The following LRBA variants were observed in gnomAD, a reference collection of about 807,000 sequenced individuals.
The protein encoded by LRBA is LPS responsive beige-like anchor protein.
Under a neutral mutation model 330.0 loss-of-function variants are expected in LRBA, and 176 were observed. The ratio of observed to expected loss-of-function variants is 0.53; its 90% CI spans 0.47 to 0.60. LRBA has a LOEUF of 0.60. Ranked by LOEUF, LRBA falls within the 20% of genes least tolerant of loss-of-function variation. The pLI is 0.00. For synonymous variants in LRBA, 1,230 were observed against 1,193.0 expected, an observed-to-expected ratio of 1.03 and a Z score of -0.64; for missense variants, 3,259 against 3,444.8, an observed-to-expected ratio of 0.95 and a Z score of 1.35.
At chr4:150,770,732 C>T (rs926452229) in intron 34 of LRBA, among the ~76,000 whole-genome samples, 7 of 152,078 alleles carry the variant, frequency 4.6e-5, no homozygotes, top group Admixed American at 3.9e-4. Context: ...TCTGTATTCC[C>T]TTTGTCTTCA....
chr4:150,637,512 C>A (rs766450913), intron 37 of LRBA, among the ~76,000 whole-genome samples: 1 of 152,108 alleles, frequency 6.6e-6, no homozygotes, highest in Non-Finnish European at 1.5e-5. Flanking sequence ...TGAAATATGG[C>A]AACATCAAGG....
intron 2 of LRBA, among the ~76,000 whole-genome samples, chr4:150,930,089 C>T (rs540152877): frequency 4.6e-5 from 7 of 151,922 alleles, no homozygotes; most frequent in South Asian, 2.1e-4. Context: ...CCGAGGCAGG[C>T]GGACCACCTG....
intron 40 of LRBA, among the ~76,000 whole-genome samples, chr4:150,499,563 C>T (rs1236778528): frequency 6.6e-6 from 1 of 151,874 alleles, no homozygotes; most frequent in Non-Finnish European, 1.5e-5. Flanking sequence ...CTGCTCGAGC[C>T]CAGAAATTGT....
At chr4:150,353,452 G>A (rs1737426937) in intron 47 of LRBA, among the ~76,000 whole-genome samples, 2 of 152,108 alleles carry the variant, frequency 1.3e-5, no homozygotes, top group African/African-American at 2.4e-5. Flanking sequence ...AAATGACAAA[G>A]TACAAATGAA....
chr4:150,872,356 G>C (rs548092011), intron 18 of LRBA, among the ~76,000 whole-genome samples: 4 of 152,244 alleles, frequency 2.6e-5, no homozygotes, highest in African/African-American at 9.6e-5. Flanking sequence ...TTATAATACA[G>C]ATAAAGCAAA....
chr4:150,790,006 G>A (rs1178206408), intron 34 of LRBA, among the ~76,000 whole-genome samples: 1 of 152,092 alleles, frequency 6.6e-6, no homozygotes, highest in Non-Finnish European at 1.5e-5. Flanking sequence ...TAAAACAGTA[G>A]GGTGCCAAAT....
intron 47 of LRBA, among the ~76,000 whole-genome samples, chr4:150,373,172 T>TGAGAGAGAGAGAGAGA (rs902421554): frequency 3.1e-5 from 3 of 97,456 alleles, no homozygotes; most frequent in African/African-American, 1.3e-4. Flanking sequence ...TGTGTGTGTG[T>TGAGAGAGAGAGAGAGA]GAGAGAGAGA....
At chr4:150,406,944 C>T (rs781183603) in intron 47 of LRBA, among the ~76,000 whole-genome samples, 2 of 152,086 alleles carry the variant, frequency 1.3e-5, no homozygotes, top group Non-Finnish European at 2.9e-5. Context: ...CCATGCCTGG[C>T]TAATTTTTTG....
At chr4:150,506,965 C>A (rs1475325368) in intron 40 of LRBA, among the ~76,000 whole-genome samples, 2 of 151,754 alleles carry the variant, frequency 1.3e-5, no homozygotes, top group South Asian at 4.2e-4. Context: ...CATGAGTGAA[C>A]TCCCATTCAC....
chr4:150,765,330 A>G (rs1250623003), intron 34 of LRBA, among the ~76,000 whole-genome samples: 1 of 152,082 alleles, frequency 6.6e-6, no homozygotes, highest in East Asian at 1.9e-4. Flanking sequence ...TATAATGATG[A>G]AGACACACCA....
At chr4:150,861,546 T>A (rs1751941852) in intron 22 of LRBA, among the ~76,000 whole-genome samples, 1 of 152,176 alleles carries the variant, frequency 6.6e-6, no homozygotes, top group Non-Finnish European at 1.5e-5. Context: ...GCATTTACCA[T>A]GAATGGAGCT....
intron 40 of LRBA, among the ~76,000 whole-genome samples, chr4:150,568,090 G>A (rs2152279727): frequency 6.6e-6 from 1 of 152,252 alleles, no homozygotes; most frequent in South Asian, 2.1e-4. Context: ...AGGACTGCTT[G>A]AGTCCAGGAT....
intron 47 of LRBA, among the ~76,000 whole-genome samples, chr4:150,397,008 T>C (rs895578702): frequency 2.6e-5 from 4 of 152,140 alleles, no homozygotes; most frequent in Admixed American, 2.6e-4. Context: ...TTAAAAACAT[T>C]TGAAAAGCAA....
intron 34 of LRBA, among the ~76,000 whole-genome samples, chr4:150,787,837 A>G (rs1739302302): frequency 1.3e-5 from 2 of 152,000 alleles, no homozygotes; most frequent in Admixed American, 1.3e-4. Context: ...ATCCTTCTCT[A>G]CTATCTCTGA....
chr4:150,839,911 C>A (rs553760921), intron 28 of LRBA, among the ~76,000 whole-genome samples: 1 of 152,054 alleles, frequency 6.6e-6, no homozygotes, highest in South Asian at 2.1e-4. Context: ...GTTTTGTCCA[C>A]ATTGAAAATC....
chr4:150,331,916 G>A (rs1446241237), intron 48 of LRBA, among the ~76,000 whole-genome samples: 1 of 152,074 alleles, frequency 6.6e-6, no homozygotes, highest in African/African-American at 2.4e-5. Context: ...TTCTGGGCAA[G>A]GTACTTAACC....
chr4:151,002,833 G>A (rs116234408), intron 2 of LRBA, among the ~76,000 whole-genome samples: 3,692 of 151,080 alleles, frequency 0.024, 143 homozygotes, highest in African/African-American at 0.084. Flanking sequence ...GCAACATGGT[G>A]GCTGGGCAAC....
intron 41 of LRBA, 113 bp from the exon 42 acceptor site, chr4:150,487,947 T>C: frequency 2.1e-6 from 1 of 487,478 alleles, no homozygotes; most frequent in Non-Finnish European, 3.8e-6. Flanking sequence ...TTAAATACAA[T>C]TCTTACTATA....
intron 2 of LRBA, among the ~76,000 whole-genome samples, chr4:150,972,433 G>A (rs962298251): frequency 7.9e-5 from 12 of 152,062 alleles, no homozygotes; most frequent in Non-Finnish European, 1.6e-4. Context: ...AGATAGATTT[G>A]GCAAATCTGA....
Sources: gnomAD v4.1 joint callset for allele counts (sites outside exome capture counted in the v4.1 genomes callset) on GRCh38, gnomAD v4.1.1 for gene constraint, MANE v1.5 for transcripts, NCBI Gene and HGNC (gene_info 2026-07-23, HGNC 2026-07-21) for gene names.